The following SHANK2 variants were observed in gnomAD, a reference collection of about 807,000 sequenced individuals.
The protein encoded by SHANK2 is SH3 and multiple ankyrin repeat domains protein 2.
Under a neutral mutation model 133.7 loss-of-function variants are expected in SHANK2, and 43 were observed. The observed-to-expected ratio is 0.32, with a 90% CI of 0.25 to 0.41. The LOEUF is 0.41. SHANK2 is among the 10% of genes least tolerant of loss of function. The probability of loss-of-function intolerance (pLI) is 1.00; values close to 1 mark genes in which losing one functional copy is unlikely to be tolerated. For synonymous variants in SHANK2, 1,017 were observed against 952.8 expected, an observed-to-expected ratio of 1.07 and a Z score of -1.24; for missense variants, 1,994 against 2,235.8, an observed-to-expected ratio of 0.89 and a Z score of 2.18.
intron 8 of SHANK2, among the ~76,000 whole-genome samples, chr11:71,088,686 A>G (rs1237905666): frequency 2.1e-5 from 3 of 145,196 alleles, no homozygotes; most frequent in Non-Finnish European, 4.7e-5. Flanking sequence ...GGGTGACTGC[A>G]CCACCCCACC....
chr11:70,575,518 C>A (rs1360736544), intron 17 of SHANK2, among the ~76,000 whole-genome samples: 66 of 139,606 alleles, frequency 4.7e-4, no homozygotes, highest in Admixed American at 4.9e-4. Context: ...GACTCTGCCT[C>A]AAAAAAAAAA....
intron 17 of SHANK2, among the ~76,000 whole-genome samples, chr11:70,639,754 T>C (rs1591688754): frequency 6.6e-6 from 1 of 151,974 alleles, no homozygotes; most frequent in African/African-American, 2.4e-5. Flanking sequence ...GACATGAAGG[T>C]GCCCTGCAGG....
chr11:71,194,034 G>C (rs1040920478), intron 2 of SHANK2, among the ~76,000 whole-genome samples: 3 of 152,204 alleles, frequency 2.0e-5, no homozygotes, highest in Non-Finnish European at 4.4e-5. Flanking sequence ...CAGTGCTGCT[G>C]GCGGGAAGGG....
rs1210710040 is a variant in SHANK2, at chr11:71,234,468, T to C, written c.-112-9672A>G. Among the ~76,000 whole-genome samples the C allele has an allele frequency of 6.6e-5, 10 of 152,142 alleles. No homozygotes were observed. In the East Asian group the frequency reaches 1.9e-3, roughly 29 times the overall value. ...GAGGTGCTCATCACTCTTACAGAGG[T>C]GGAAACCATCATTGTGAGGAGTTCT... is the stretch of plus-strand genomic sequence containing the variant. On this transcript the variant is annotated intron_variant, in intron 1 of 25. Transcript: ENST00000601538.
At position 71,248,015 on chromosome 11, in the gene SHANK2, A is replaced by C. The variant is rs192390775; in HGVS notation, c.-113+4410T>G. On this transcript the variant is annotated intron_variant, in intron 1 of 25. Coordinates refer to ENST00000601538, the MANE Select transcript of SHANK2 (RefSeq NM_012309.5). ...TCTCCCAGGGAGCGAGCTGCGTTTC[A>C]GCCAGTCCCTCCCTGAAGGCCCATC... is the stretch of plus-strand genomic sequence containing the variant. Among the ~76,000 whole-genome samples, 105 of 152,356 alleles carry C rather than the reference A, an allele frequency of 6.9e-4. 1 individual carries two copies. The East Asian group carries it at 0.015, about 22-fold the overall frequency.
At chr11:71,228,484 A>G (rs1954681098) in intron 1 of SHANK2, among the ~76,000 whole-genome samples, 1 of 152,200 alleles carries the variant, frequency 6.6e-6, no homozygotes, top group Non-Finnish European at 1.5e-5. Flanking sequence ...CAGGCTGGGT[A>G]TGGTGGCTCA....
At chr11:70,911,295 G>A (rs1950187882) in intron 10 of SHANK2, 2 of 429,152 alleles carry the variant, frequency 4.7e-6, no homozygotes, top group South Asian at 3.4e-5. Context: ...GGTGGAGGTT[G>A]CAGTGAGCCA....
intron 10 of SHANK2, among the ~76,000 whole-genome samples, chr11:70,946,479 G>T (rs1257671521): frequency 4.2e-5 from 6 of 142,706 alleles, no homozygotes; most frequent in Admixed American, 1.4e-4. Context: ...CTCTTCCCCA[G>T]CATCAGCCTC....
chr11:70,845,832 T>C (rs1948988703), intron 11 of SHANK2, among the ~76,000 whole-genome samples: 2 of 151,970 alleles, frequency 1.3e-5, no homozygotes, highest in African/African-American at 4.8e-5. Context: ...AGGCTGAAAA[T>C]AGACACCGGA....
At chr11:70,536,061 T>C (rs1191351634) in intron 17 of SHANK2, among the ~76,000 whole-genome samples, 1 of 152,200 alleles carries the variant, frequency 6.6e-6, no homozygotes, top group African/African-American at 2.4e-5. Flanking sequence ...TGGACACACC[T>C]GCACCCCCAG....
chr11:71,106,419 T>G (rs1260811750), intron 6 of SHANK2, among the ~76,000 whole-genome samples: 1 of 151,964 alleles, frequency 6.6e-6, no homozygotes, highest in African/African-American at 2.4e-5. Context: ...CTGGGTCACA[T>G]AGGGAGACCC....
chr11:71,119,543 G>A (rs1334120377), intron 3 of SHANK2, among the ~76,000 whole-genome samples: 6 of 145,916 alleles, frequency 4.1e-5, no homozygotes, highest in African/African-American at 7.7e-5. Context: ...TTGCACCACT[G>A]CACTCCAGTC....
At position 70,485,981 on chromosome 11, in the gene SHANK2, C is replaced by T. The variant is rs1316449811; in HGVS notation, c.4312G>A (p.Val1438Met). ...GGGGTGTCGCTTTTCTTCTGCTTCA[C>T]TAAGTCTGAGAGAGCCGGGACAGAA... ...AASVPALSDL[V>M]KQKKSDTPQS... Residue 1438 changes from valine (V) to methionine (M), a missense_variant, in exon 25 of 26, where the codon GTG becomes ATG. Coordinates refer to ENST00000601538, the MANE Select transcript of SHANK2 (RefSeq NM_012309.5). The surrounding 1 kb of genome is among the most constrained non-coding windows in gnomAD (Gnocchi z 5.8). The T allele has an allele frequency of 1.9e-6, 3 of 1,614,000 alleles. No homozygotes were observed. The highest frequency in any genetic ancestry group is 2.5e-6 in the Non-Finnish European group (3 of 1,180,048).
At chr11:71,063,269 C>T (rs1951009597) in intron 9 of SHANK2, among the ~76,000 whole-genome samples, 1 of 152,206 alleles carries the variant, frequency 6.6e-6, no homozygotes, top group Non-Finnish European at 1.5e-5. Flanking sequence ...ATGACTTTGA[C>T]GGAGTCAATA....
chr11:70,843,428 T>C (rs927760807), intron 11 of SHANK2, among the ~76,000 whole-genome samples: 1 of 151,864 alleles, frequency 6.6e-6, no homozygotes, highest in East Asian at 2.0e-4. Flanking sequence ...TAGACAGAGC[T>C]GAAATTCGTA....
At chr11:70,758,474 G>A (rs920851883) in intron 14 of SHANK2, among the ~76,000 whole-genome samples, 10 of 152,174 alleles carry the variant, frequency 6.6e-5, no homozygotes, top group Non-Finnish European at 1.5e-4. Flanking sequence ...CTAGAGGCTC[G>A]CCATTGTTCC....
intron 15 of SHANK2, among the ~76,000 whole-genome samples, chr11:70,666,517 T>C (rs939367858): frequency 6.6e-6 from 1 of 152,158 alleles, no homozygotes; most frequent in Non-Finnish European, 1.5e-5. Context: ...GGTCCGGAAG[T>C]TGTGGCATTG....
Position 70,485,800 on chromosome 11 carries a change from C to T in SHANK2, c.4493G>A (p.Ser1498Asn), listed in dbSNP as rs2135727138. 1.2e-6 allele frequency: 2 copies of T among 1,614,004 alleles called. No individual in the cohort carries two copies. The highest frequency in any genetic ancestry group is 1.1e-5 in the South Asian group (1 of 91,078). Residue 1498 changes from serine to asparagine, a missense_variant, in exon 25 of 26, where the codon AGT becomes AAT. Ser to Asn is a conservative substitution (Grantham distance 46). Coordinates refer to ENST00000601538, the MANE Select transcript of SHANK2 (RefSeq NM_012309.5). The surrounding 1 kb of genome is among the most constrained non-coding windows in gnomAD (Gnocchi z 5.8). ...CGTCTCGAGGTGGTGGTCGCTGCTA[C>T]TCCGGCTGTCCACCTCCTCGATCCC... ...DSGIEEVDSR[S>N]SSDHHLETTS...
chr11:71,111,014 T>C (rs1951884072), intron 5 of SHANK2, among the ~76,000 whole-genome samples: 2 of 152,164 alleles, frequency 1.3e-5, no homozygotes. Context: ...ACAATGGCCA[T>C]CCAAACCAGG....
Sources: allele counts gnomAD v4.1 joint callset (sites outside exome capture counted in the v4.1 genomes callset), GRCh38; gene constraint gnomAD v4.1.1; non-coding constraint Gnocchi (gnomAD v3.1); transcripts MANE v1.5; gene names NCBI Gene and HGNC (gene_info 2026-07-23, HGNC 2026-07-21).